Variants in PLXDC2 observed in about 807,000 individuals in gnomAD.
PLXDC2 encodes the protein plexin domain containing 2, also known as plexin domain-containing protein 2.
PLXDC2 carries 40 observed loss-of-function variants against 68.9 expected under a neutral mutation model. That is an observed-to-expected ratio of 0.58 (90% confidence interval 0.45 to 0.76). The LOEUF is 0.76. Ranked by LOEUF, PLXDC2 falls within the 30% of genes least tolerant of loss-of-function variation. PLXDC2 has a pLI of 0.00. For synonymous variants in PLXDC2, 243 were observed against 234.2 expected (o/e 1.04, Z -0.34); for missense variants, 644 against 661.9 (o/e 0.97, Z 0.30).
intron 7 of PLXDC2, among the ~76,000 whole-genome samples, chr10:20,168,956 G>C (rs1834410561): frequency 6.6e-6 from 1 of 152,042 alleles, no homozygotes; most frequent in Admixed American, 6.6e-5. Flanking sequence ...GCATTATGCT[G>C]TAAATTATTC....
At chr10:20,160,663 A>G (rs1766248612) in intron 6 of PLXDC2, among the ~76,000 whole-genome samples, 1 of 152,172 alleles carries the variant, frequency 6.6e-6, no homozygotes, top group South Asian at 2.1e-4. Context: ...CTCCTGTTAA[A>G]TGAATCTAAA....
intron 4 of PLXDC2, among the ~76,000 whole-genome samples, chr10:20,093,699 G>T (rs1190483317): frequency 6.6e-6 from 1 of 152,118 alleles, no homozygotes; most frequent in Non-Finnish European, 1.5e-5. Flanking sequence ...CTTGAGACAG[G>T]GTCTCACTTC....
chr10:20,261,041 A>G (rs916495113), intron 13 of PLXDC2, among the ~76,000 whole-genome samples: 1 of 152,014 alleles, frequency 6.6e-6, no homozygotes, highest in Non-Finnish European at 1.5e-5. Context: ...AAATTGAGTT[A>G]TTTGGTTTTT....
intron 9 of PLXDC2, among the ~76,000 whole-genome samples, chr10:20,188,257 C>T (rs1332393989): frequency 4.6e-5 from 7 of 151,676 alleles, no homozygotes; most frequent in African/African-American, 1.7e-4. Flanking sequence ...CAGTATCTCC[C>T]CCTTTCCCCA....
intron 4 of PLXDC2, among the ~76,000 whole-genome samples, chr10:20,097,717 T>C (rs1370069038): frequency 6.6e-6 from 1 of 152,134 alleles, no homozygotes; most frequent in Non-Finnish European, 1.5e-5. Flanking sequence ...GGAAATTTGT[T>C]ATAGGTGCCT....
At chr10:19,865,447 A>G (rs1374374586) in intron 1 of PLXDC2, among the ~76,000 whole-genome samples, 2 of 152,290 alleles carry the variant, frequency 1.3e-5, no homozygotes, top group East Asian at 1.9e-4. Flanking sequence ...GCTTTACTGT[A>G]CTCGAGGTTC....
intron 12 of PLXDC2, among the ~76,000 whole-genome samples, chr10:20,233,835 G>A (rs1318212245): frequency 6.6e-6 from 1 of 151,876 alleles, no homozygotes; most frequent in East Asian, 1.9e-4. Flanking sequence ...ATTTTTTTTA[G>A]AGGCAGGCAT....
chr10:20,111,456 A>AG (rs1447243349), intron 4 of PLXDC2, among the ~76,000 whole-genome samples: 1 of 152,222 alleles, frequency 6.6e-6, no homozygotes, highest in African/African-American at 2.4e-5. Flanking sequence ...CTTGTGATTC[A>AG]GAAAAAAATA....
At chr10:20,037,247 T>C (rs1835592092) in intron 2 of PLXDC2, among the ~76,000 whole-genome samples, 1 of 152,212 alleles carries the variant, frequency 6.6e-6, no homozygotes, top group African/African-American at 2.4e-5. Context: ...TTCTAAACAT[T>C]TTTTTATCAC....
intron 4 of PLXDC2, among the ~76,000 whole-genome samples, chr10:20,140,690 T>G (rs1343772537): frequency 6.6e-6 from 1 of 152,134 alleles, no homozygotes. Context: ...AGGTAAAGCC[T>G]ATCATTAGAT....
intron 4 of PLXDC2, 145 bp downstream of exon 4, chr10:20,068,384 A>C: frequency 1.4e-6 from 1 of 733,134 alleles, no homozygotes; most frequent in East Asian, 2.9e-5. Context: ...AATAAAACCA[A>C]AGAAAGGGTA....
intron 12 of PLXDC2, among the ~76,000 whole-genome samples, chr10:20,239,535 A>T (rs575126269): frequency 1.3e-5 from 2 of 152,188 alleles, no homozygotes; most frequent in South Asian, 4.1e-4. Context: ...CTTTCAAACC[A>T]TCAGATCTCA....
chr10:20,078,038 C>A (rs1000184200), intron 4 of PLXDC2, among the ~76,000 whole-genome samples: 1 of 152,108 alleles, frequency 6.6e-6, no homozygotes, highest in Non-Finnish European at 1.5e-5. Context: ...CAAATCTTTA[C>A]TCCAACGTAT....
intron 3 of PLXDC2, among the ~76,000 whole-genome samples, chr10:20,064,269 G>A (rs1219660697): frequency 1.3e-5 from 2 of 148,698 alleles, no homozygotes; most frequent in African/African-American, 5.0e-5. Flanking sequence ...CACCCAGGCT[G>A]GAGTGCAGTG....
At chr10:20,120,851 T>A (rs1264878965) in intron 4 of PLXDC2, among the ~76,000 whole-genome samples, 1 of 152,170 alleles carries the variant, frequency 6.6e-6, no homozygotes, top group Admixed American at 6.5e-5. Context: ...GGCGGGCTAG[T>A]GGCTTGTGCT....
chr10:20,006,547 G>C (rs1835031542), intron 2 of PLXDC2, among the ~76,000 whole-genome samples: 1 of 151,582 alleles, frequency 6.6e-6, no homozygotes, highest in Non-Finnish European at 1.5e-5. Context: ...TTTTTTCATT[G>C]TCTCGACTTT....
chr10:20,118,129 C>G (rs867818141), intron 4 of PLXDC2, among the ~76,000 whole-genome samples: 1 of 136,726 alleles, frequency 7.3e-6, no homozygotes, highest in Admixed American at 7.6e-5. Flanking sequence ...CACACACACA[C>G]ACACACACAG....
chr10:20,058,695 A>G (rs943356146), intron 3 of PLXDC2, among the ~76,000 whole-genome samples: 5 of 152,222 alleles, frequency 3.3e-5, no homozygotes, highest in African/African-American at 1.2e-4. Context: ...TGAACGATAA[A>G]CACAAAATAT....
At chr10:19,925,833 G>A (rs1833530522) in intron 1 of PLXDC2, among the ~76,000 whole-genome samples, 2 of 152,208 alleles carry the variant, frequency 1.3e-5, no homozygotes, top group African/African-American at 2.4e-5. Context: ...CCGAGTTGAG[G>A]TTACCTGCTG....
Sources: allele counts gnomAD v4.1 joint callset (sites outside exome capture counted in the v4.1 genomes callset), GRCh38; gene constraint gnomAD v4.1.1; transcripts MANE v1.5; gene names NCBI Gene and HGNC (gene_info 2026-07-23, HGNC 2026-07-21).